SPATA22: variants seen among roughly 807,000 people sequenced by gnomAD.
SPATA22 encodes the protein spermatogenesis associated 22, also known as spermatogenesis-associated protein 22.
Under a neutral mutation model 47.8 loss-of-function variants are expected in SPATA22, and 29 were observed. The observed-to-expected ratio is 0.61, with a 90% CI of 0.45 to 0.83. The LOEUF is 0.83. Among genes scored for constraint, SPATA22 ranks in the 40% least tolerant of loss-of-function variants. SPATA22 has a pLI of 0.00. For synonymous variants in SPATA22, 133 were observed against 140.9 expected (o/e 0.94, Z 0.40); for missense variants, 410 against 421.7 (o/e 0.97, Z 0.24).
intron 5 of SPATA22, among the ~76,000 whole-genome samples, chr17:3,450,695 T>C (rs746536837): frequency 6.6e-6 from 1 of 152,194 alleles, no homozygotes; most frequent in Non-Finnish European, 1.5e-5. Context: ...ACTCTCATGG[T>C]TATAGAAATT....
chr17:3,452,316 G>A (rs923075435), intron 5 of SPATA22, among the ~76,000 whole-genome samples: 4 of 150,456 alleles, frequency 2.7e-5, no homozygotes, highest in East Asian at 3.9e-4. Context: ...AACTGGGACC[G>A]GGCGAGGTGG....
intron 5 of SPATA22, 105 bp from the exon 6 acceptor site, chr17:3,449,254 G>C (rs1256054201): frequency 1.2e-6 from 1 of 823,502 alleles, no homozygotes; most frequent in Non-Finnish European, 1.9e-6. Flanking sequence ...GACTTAGAAA[G>C]CACTTTATAA....
At chr17:3,446,410 C>T (rs1567592479) in intron 7 of SPATA22, 62 bp downstream of exon 7, 4 of 1,495,790 alleles carry the variant, frequency 2.7e-6, no homozygotes, top group Non-Finnish European at 3.6e-6. Flanking sequence ...AAGGACTAAT[C>T]AGACATTAAA....
Position 3,481,069 on chromosome 17 carries a change from T to C in SPATA22, c.-73-11671A>G, listed in dbSNP as rs143265059. Among the ~76,000 whole-genome samples, 548 of 151,900 alleles carry C rather than the reference T, an allele frequency of 3.6e-3. 5 individuals are homozygous for C. Among genetic ancestry groups the C allele is most frequent in the African/African-American group, 0.012 (500 of 41,420 alleles). On this transcript the variant is annotated intron_variant, in intron 1 of 8. Coordinates refer to the SPATA22 transcript ENST00000541913. ...GCCCAGGAGTTTGAGGGTACAGTGA[T>C]CCATAATTGGGCCACTGCACTCCAG...
At chr17:3,510,143 C>T (rs1346037799) in intron 1 of SPATA22, among the ~76,000 whole-genome samples, 3 of 152,110 alleles carry the variant, frequency 2.0e-5, no homozygotes, top group Non-Finnish European at 4.4e-5. Context: ...GTTTGTTTTG[C>T]TGTGCAGAAG....
chr17:3,462,435 G>A (rs2073143514), intron 5 of SPATA22, 48 bp downstream of exon 5: 1 of 1,320,286 alleles, frequency 7.6e-7, no homozygotes. Flanking sequence ...GAGGAAGACA[G>A]GAAAATGAGA....
chr17:3,463,410 C>T lies in SPATA22; in HGVS notation c.173-643G>A, dbSNP rs1031043915. Among the ~76,000 whole-genome samples the T allele has an allele frequency of 9.9e-5, 15 of 152,242 alleles. No homozygotes were observed. In the South Asian group the frequency reaches 2.5e-3, roughly 25 times the overall value. ...TGCAACATGTTACTGTACTCAATAC[C>T]ACAGGCAATTGTAACATAATAGTAT... is the stretch of plus-strand genomic sequence containing the variant. On this transcript the variant is annotated intron_variant, in intron 3 of 8. Transcript: ENST00000572969.
chr17:3,510,868 G>C (rs2074103928), intron 1 of SPATA22: 1 of 152,266 alleles, frequency 6.6e-6, no homozygotes, highest in African/African-American at 2.4e-5. Flanking sequence ...TCTCAGGCTG[G>C]AGCCTTCTAA....
intron 1 of SPATA22, among the ~76,000 whole-genome samples, chr17:3,489,792 T>C (rs923376): frequency 0.37 from 56,329 of 151,948 alleles, 11,396 homozygotes; most frequent in East Asian, 0.7. Context: ...TAAAGACATT[T>C]TAGAGGATAA....
intron 1 of SPATA22, chr17:3,502,416 A>G (rs2074000957): frequency 6.6e-6 from 1 of 152,226 alleles, no homozygotes; most frequent in South Asian, 2.1e-4. Flanking sequence ...CCTGTAATGT[A>G]TAAGTGCTAG....
chr17:3,443,115 C>T, intron 8 of SPATA22, 59 bp downstream of exon 8: 7 of 1,137,548 alleles, frequency 6.2e-6, no homozygotes, highest in Non-Finnish European at 9.0e-6. Context: ...TGAATTATAG[C>T]CTGCATGTTT....
Position 3,440,354 on chromosome 17 carries a change from T to C in SPATA22, c.901-16A>G, listed in dbSNP as rs1330483643. On this transcript the variant is annotated splice_polypyrimidine_tract_variant and intron_variant, in intron 8 of 8. Coordinates refer to ENST00000572969, the MANE Select transcript of SPATA22 (RefSeq NM_001170698.2). ...GTTCACGATCCTGTTTTTCAAAAAA[T>C]AAGTATCAAAAAATAGTTATTACTT... The C allele has an allele frequency of 2.0e-6, 3 of 1,496,552 alleles. No individual in the cohort carries two copies. The highest frequency in any genetic ancestry group is 8.9e-7 in the Non-Finnish European group (1 of 1,118,620). 92.7% of individuals were successfully genotyped at this position (1,496,552 alleles called of 1,614,324 possible).
At chr17:3,512,728 G>A (rs2074130019) in intron 1 of SPATA22, 1 of 151,588 alleles carries the variant, frequency 6.6e-6, no homozygotes, top group Admixed American at 6.6e-5. Context: ...AACATCAGAG[G>A]ACGAGGACCT....
chr17:3,456,603 G>C (rs546531513), intron 5 of SPATA22, among the ~76,000 whole-genome samples: 1 of 152,102 alleles, frequency 6.6e-6, no homozygotes, highest in Non-Finnish European at 1.5e-5. Flanking sequence ...ATTCACAGCC[G>C]AATTCTACCA....
intron 1 of SPATA22, 48 bp downstream of exon 1, chr17:3,471,634 C>T (rs1168609640): frequency 4.1e-6 from 4 of 985,322 alleles, no homozygotes; most frequent in East Asian, 1.1e-4. Context: ...CTTCCAAAGG[C>T]CTCTCCTGAC....
chr17:3,445,737 G>A (rs986487305), intron 7 of SPATA22, among the ~76,000 whole-genome samples: 1 of 152,044 alleles, frequency 6.6e-6, no homozygotes, highest in African/African-American at 2.4e-5. Context: ...TCATTTTTAG[G>A]TGAAAGTTAA....
rs1284270256 is a variant in SPATA22, at chr17:3,448,816, G to A, written c.663C>T (p.Asn221=). 6.2e-7 allele frequency: 1 copy of A among 1,600,810 alleles called. No individual in the cohort carries two copies. Among genetic ancestry groups the A allele is most frequent in the South Asian group, 1.1e-5 (1 of 88,618 alleles). Residue 221 remains asparagine (N), a synonymous_variant, in exon 6 of 9, where the codon AAC becomes AAT. Coordinates refer to ENST00000572969, the MANE Select transcript of SPATA22 (RefSeq NM_001170698.2). ...GTATTTAAACATTTACCTTCAGGGTGTTGTCTTCTGGAATATCATCCAACA... is the reference window on the plus strand; with the variant it reads ...GTATTTAAACATTTACCTTCAGGGTATTGTCTTCTGGAATATCATCCAACA... ...KQMLDDIPED[N]TLKETSLYQL...
At position 3,510,770 on chromosome 17, in the gene SPATA22, G is replaced by A. The variant is rs185084978; in HGVS notation, c.-74+2642C>T. The A allele has an allele frequency of 7.9e-5, 12 of 152,248 alleles. No individual in the cohort carries two copies. The East Asian group carries it at 1.9e-3, about 25-fold the overall frequency. 9.4% of individuals were successfully genotyped at this position (152,248 alleles called of 1,614,324 possible). A position where few individuals can be genotyped will look rare whatever the true frequency, so the allele number is the denominator to read the frequency against. Reference sequence around the variant, plus strand: ...AGTACGGCTTACAGGCCCGGATGACGGCCCATCTACCTGGGCCCTGCCCAG... The same window carrying A: ...AGTACGGCTTACAGGCCCGGATGACAGCCCATCTACCTGGGCCCTGCCCAG... On this transcript the variant is annotated intron_variant, in intron 1 of 8. Transcript: ENST00000541913.
chr17:3,481,570 T>A (rs758978929), intron 1 of SPATA22: 1 of 1,578,674 alleles, frequency 6.3e-7, no homozygotes, highest in African/African-American at 1.3e-5. Flanking sequence ...CAGGCACAGA[T>A]GTTGTTCATC....
Sources: allele counts gnomAD v4.1 joint callset (sites outside exome capture counted in the v4.1 genomes callset), GRCh38; gene constraint gnomAD v4.1.1; transcripts MANE v1.5; gene names NCBI Gene and HGNC (gene_info 2026-07-23, HGNC 2026-07-21).